DCAF17: variants seen among roughly 807,000 people sequenced by gnomAD.
DCAF17 encodes the protein DDB1- and CUL4-associated factor 17.
In DCAF17, 48 loss-of-function variants were observed where a neutral mutation model predicts 66.0. That is an observed-to-expected ratio of 0.73 (90% CI 0.58 to 0.92). DCAF17 has a LOEUF of 0.92. Among genes scored for constraint, DCAF17 ranks in the 40% least tolerant of loss-of-function variants. DCAF17 has a pLI of 0.00. For synonymous variants in DCAF17, 206 were observed against 214.6 expected, an observed-to-expected ratio of 0.96 and a Z score of 0.35; for missense variants, 562 against 622.8, an observed-to-expected ratio of 0.90 and a Z score of 1.04.
chr2:171,450,771 G>A (rs1279217749), intron 5 of DCAF17, among the ~76,000 whole-genome samples: 1 of 152,030 alleles, frequency 6.6e-6, no homozygotes, highest in Non-Finnish European at 1.5e-5. Flanking sequence ...AAACAGGCAG[G>A]CACTGATCTG....
chr2:171,475,258 T>C (rs930441164), intron 10 of DCAF17, among the ~76,000 whole-genome samples: 2 of 152,230 alleles, frequency 1.3e-5, no homozygotes, highest in Non-Finnish European at 1.5e-5. Flanking sequence ...TAGATTTGCT[T>C]GCCCATCATA....
At chr2:171,461,281 C>T (rs780179665) in intron 8 of DCAF17, among the ~76,000 whole-genome samples, 9 of 151,822 alleles carry the variant, frequency 5.9e-5, no homozygotes, top group Non-Finnish European at 1.0e-4. Context: ...CCCGTCTCTA[C>T]CAAAAATACA....
At chr2:171,474,621 A>C (rs1332282095) in intron 10 of DCAF17, among the ~76,000 whole-genome samples, 1 of 151,970 alleles carries the variant, frequency 6.6e-6, no homozygotes, top group Non-Finnish European at 1.5e-5. Context: ...ATACATGAGA[A>C]CTCCAAAATG....
Position 171,484,362 on chromosome 2 carries a change from C to G in DCAF17, c.*3248C>G. 2.6e-6 allele frequency: 1 copy of G among 389,204 alleles called. No homozygotes were observed. The highest frequency in any genetic ancestry group is 1.9e-5 in the South Asian group (1 of 51,664). 24.1% of individuals were successfully genotyped at this position (389,204 alleles called of 1,614,324 possible). On this transcript the variant is annotated 3_prime_UTR_variant, in exon 14 of 14. Coordinates refer to ENST00000375255, the MANE Select transcript of DCAF17 (RefSeq NM_025000.4). ...AGACCTACTGAGGTCTTTTTCCCAT[C>G]ATTTTATTATGAAAAATGTTCAAAC...
Position 171,478,013 on chromosome 2 carries a change from T to G in DCAF17, c.1209T>G (p.Ala403=). The change falls in exon 12 of 14, where the codon GCT becomes GCG. Residue 403 remains alanine, a synonymous_variant. Coordinates refer to ENST00000375255, the MANE Select transcript of DCAF17 (RefSeq NM_025000.4). ...ATGAAAATGTACTCACTGTTACAGC[T>G]TCTGGACGGGTGGTAAAAAAAAGTT... ...HKNENVLTVT[A]SGRVVKKSFN... is the part of the protein sequence containing the mutation. The G allele has an allele frequency of 6.2e-7, 1 of 1,614,000 alleles. No individual in the cohort carries two copies. Among genetic ancestry groups the G allele is most frequent in the East Asian group, 2.2e-5 (1 of 44,882 alleles).
intron 2 of DCAF17, among the ~76,000 whole-genome samples, chr2:171,439,511 C>CTTTTTTTTTTTTTTTTTTTT (rs374646610): frequency 2.1e-5 from 2 of 94,772 alleles, no homozygotes; most frequent in Non-Finnish European, 2.1e-5. Flanking sequence ...CTTTTTTTTC[C>CTTTTTTTTTTTTTTTTTTTT]TTTTTTTTTT....
At chr2:171,478,832 A>G (rs1559293287) in intron 12 of DCAF17, among the ~76,000 whole-genome samples, 1 of 152,176 alleles carries the variant, frequency 6.6e-6, no homozygotes. Flanking sequence ...TGGACCATAC[A>G]AACCTATTGA....
intron 6 of DCAF17, among the ~76,000 whole-genome samples, chr2:171,455,169 G>A (rs1479492941): frequency 6.7e-6 from 1 of 150,340 alleles, no homozygotes. Context: ...GCCCGAGTGT[G>A]TGTTGTTCCC....
intron 2 of DCAF17, among the ~76,000 whole-genome samples, chr2:171,439,431 A>G (rs983286652): frequency 3.3e-5 from 5 of 150,238 alleles, no homozygotes; most frequent in African/African-American, 1.2e-4. Flanking sequence ...CCTTGGCTGC[A>G]TCCAGTTTAC....
chr2:171,463,544 C>T (rs1469833127), intron 8 of DCAF17, among the ~76,000 whole-genome samples: 1 of 152,180 alleles, frequency 6.6e-6, no homozygotes, highest in Non-Finnish European at 1.5e-5. Flanking sequence ...GCTTGTATTA[C>T]CTATGTGACA....
intron 2 of DCAF17, chr2:171,443,256 G>A (rs768442815): frequency 5.4e-5 from 16 of 294,190 alleles, no homozygotes; most frequent in Non-Finnish European, 9.6e-5. Context: ...GTCCAGGTAC[G>A]TATATGTATA....
intron 13 of DCAF17, 81 bp from the exon 14 acceptor site, chr2:171,480,893 A>G (rs1696712522): frequency 5.2e-6 from 8 of 1,546,686 alleles, no homozygotes; most frequent in East Asian, 2.2e-5. Context: ...GATCCCTAGC[A>G]TAGGTACTGT....
At chr2:171,442,134 G>A (rs1353482794) in intron 2 of DCAF17, among the ~76,000 whole-genome samples, 1 of 152,198 alleles carries the variant, frequency 6.6e-6, no homozygotes, top group African/African-American at 2.4e-5. Context: ...ATATGAAGTT[G>A]CCTTCATTCT....
At chr2:171,448,154 C>G (rs62183495) in intron 3 of DCAF17, among the ~76,000 whole-genome samples, 1 of 151,484 alleles carries the variant, frequency 6.6e-6, no homozygotes, top group African/African-American at 2.4e-5. Flanking sequence ...TTTTTTGAGA[C>G]GGGATCTCAC....
At chr2:171,476,974 C>G (rs1305891339) in intron 11 of DCAF17, 24 bp downstream of exon 11, 1 of 1,513,750 alleles carries the variant, frequency 6.6e-7, no homozygotes, top group Non-Finnish European at 9.2e-7. Context: ...ACTTTAAAAT[C>G]CTTTATATAT....
chr2:171,461,406 G>T (rs1266991959), intron 8 of DCAF17, among the ~76,000 whole-genome samples: 1 of 151,916 alleles, frequency 6.6e-6, no homozygotes, highest in Admixed American at 6.6e-5. Flanking sequence ...CAGCCTGGGC[G>T]ACAGAGCAAG....
chr2:171,458,154 G>C, intron 7 of DCAF17, 79 bp downstream of exon 7: 1 of 1,299,692 alleles, frequency 7.7e-7, no homozygotes, highest in Non-Finnish European at 1.1e-6. Flanking sequence ...TTAGTGAGAT[G>C]CTTTTAGAGT....
At chr2:171,434,741 G>T (rs1478066454) in intron 1 of DCAF17, 38 bp downstream of exon 1, 7 of 1,395,212 alleles carry the variant, frequency 5.0e-6, no homozygotes, top group Non-Finnish European at 5.5e-6. Context: ...GGAGGGCCGC[G>T]GGCGCGCGGC....
At chr2:171,468,484 C>T (rs1490823063) in intron 8 of DCAF17, among the ~76,000 whole-genome samples, 1 of 152,134 alleles carries the variant, frequency 6.6e-6, no homozygotes, top group African/African-American at 2.4e-5. Context: ...GACCTAATTA[C>T]CTTGTAGGAT....
Sources: allele counts gnomAD v4.1 joint callset (sites outside exome capture counted in the v4.1 genomes callset), GRCh38; gene constraint gnomAD v4.1.1; transcripts MANE v1.5; gene names NCBI Gene and HGNC (gene_info 2026-07-23, HGNC 2026-07-21).